The following HUNK variants were observed in gnomAD, a reference collection of about 807,000 sequenced individuals.
HUNK encodes hormonally up-regulated Neu-associated kinase.
Under a neutral mutation model 61.0 loss-of-function variants are expected in HUNK, and 21 were observed. The ratio of observed to expected loss-of-function variants is 0.34; its 90% CI spans 0.24 to 0.50. The LOEUF (loss-of-function observed/expected upper bound fraction) is 0.50, where lower values mean the gene tolerates loss of function less well. Among genes scored for constraint, HUNK ranks in the 20% least tolerant of loss-of-function variants. The pLI, the probability that HUNK is intolerant of heterozygous loss-of-function variation, is 0.98. For synonymous variants in HUNK, 371 were observed against 386.1 expected (o/e 0.96, Z 0.46); for missense variants, 772 against 945.7 (o/e 0.82, Z 2.41).
intron 8 of HUNK, among the ~76,000 whole-genome samples, chr21:31,983,956 C>T (rs11700534): frequency 6.6e-6 from 1 of 152,026 alleles, no homozygotes; most frequent in African/African-American, 2.4e-5. Flanking sequence ...AAGTTGAAAA[C>T]CACTGTCAGG....
chr21:31,977,487 C>A (rs972129646), intron 7 of HUNK, among the ~76,000 whole-genome samples: 1 of 152,174 alleles, frequency 6.6e-6, no homozygotes, highest in African/African-American at 2.4e-5. Context: ...TTAACAGTTC[C>A]AAACATTTTT....
intron 4 of HUNK, among the ~76,000 whole-genome samples, chr21:31,954,229 C>A (rs1236596127): frequency 6.6e-6 from 1 of 152,172 alleles, no homozygotes; most frequent in Non-Finnish European, 1.5e-5. Flanking sequence ...TACGACACCC[C>A]CACCTGGGAC....
chr21:31,901,805 T>C (rs565684343), intron 1 of HUNK, among the ~76,000 whole-genome samples: 2 of 152,278 alleles, frequency 1.3e-5, no homozygotes, highest in Non-Finnish European at 2.9e-5. Context: ...TAAGATGTTT[T>C]TGTTTTTCTT....
intron 1 of HUNK, among the ~76,000 whole-genome samples, chr21:31,919,572 A>C (rs1405164508): frequency 6.6e-6 from 1 of 152,164 alleles, no homozygotes. Context: ...AGTGGTCTGC[A>C]GTGTAGACAC....
intron 4 of HUNK, among the ~76,000 whole-genome samples, chr21:31,948,962 G>A (rs1282295565): frequency 2.0e-5 from 3 of 152,214 alleles, no homozygotes; most frequent in Non-Finnish European, 4.4e-5. Flanking sequence ...GGTGAAACAC[G>A]TCAGGAATCA....
chr21:31,914,835 T>C lies in HUNK; in HGVS notation c.262-9633T>C, dbSNP rs142880813. Among the ~76,000 whole-genome samples, 1,065 of 152,236 alleles carry C rather than the reference T, an allele frequency of 7.0e-3. 7 individuals carry two copies. Among genetic ancestry groups the C allele is most frequent in the Non-Finnish European group, 0.012 (790 of 68,000 alleles). ...CTCTAATGACCTCATTTAACGTTAA[T>C]AACCTCTTTAAAGTCTCTCTCTTTA... On this transcript the variant is annotated intron_variant, in intron 1 of 10. Coordinates refer to ENST00000270112, the MANE Select transcript of HUNK (RefSeq NM_014586.2).
chr21:31,948,830 T>C (rs2833569), intron 4 of HUNK, among the ~76,000 whole-genome samples: 14,174 of 151,916 alleles, frequency 0.093, 727 homozygotes, highest in Middle Eastern at 0.13. Context: ...GATGTTCCGG[T>C]TGGAGATTGA....
intron 6 of HUNK, among the ~76,000 whole-genome samples, chr21:31,969,483 C>T (rs2052995160): frequency 6.6e-6 from 1 of 152,166 alleles, no homozygotes; most frequent in Non-Finnish European, 1.5e-5. Context: ...GAACCCACAG[C>T]ATAGGAGCAC....
chr21:31,947,461 T>C (rs2052816933), intron 4 of HUNK, among the ~76,000 whole-genome samples: 1 of 152,254 alleles, frequency 6.6e-6, no homozygotes, highest in Non-Finnish European at 1.5e-5. Flanking sequence ...GAGTCCCCCG[T>C]ACTCTGTCCT....
In HUNK at chr21:31,980,379, C is replaced by CTT. The variant is rs35350096; in HGVS notation, c.1174-3132_1174-3131dup. ...GCCACCGCACCAGGCCTGTCTTCTT[C>CTT]TTTTTTTTTTTTTTTTGAGATGGAG... On this transcript the variant is annotated intron_variant, in intron 7 of 10. Coordinates refer to ENST00000270112, the MANE Select transcript of HUNK (RefSeq NM_014586.2). Among the ~76,000 whole-genome samples, 485 of 84,562 alleles carry CTT rather than the reference C, an allele frequency of 5.7e-3. 4 individuals carry two copies. The highest frequency in any genetic ancestry group is 0.015 in the African/African-American group (421 of 28,416). 55.5% of individuals were successfully genotyped at this position (84,562 alleles called of 152,430 possible).
intron 8 of HUNK, among the ~76,000 whole-genome samples, chr21:31,989,370 A>G (rs1273246663): frequency 6.6e-6 from 1 of 152,234 alleles, no homozygotes; most frequent in African/African-American, 2.4e-5. Context: ...ATAACTTTAA[A>G]AAATATAGTT....
chr21:31,961,510 C>G (rs2052928642), intron 5 of HUNK, among the ~76,000 whole-genome samples: 1 of 152,160 alleles, frequency 6.6e-6, no homozygotes, highest in African/African-American at 2.4e-5. Flanking sequence ...TTTTGCATTC[C>G]CACTAGCAAT....
At chr21:31,973,124 A>G (rs906352384) in intron 6 of HUNK, among the ~76,000 whole-genome samples, 5 of 150,832 alleles carry the variant, frequency 3.3e-5, no homozygotes, top group Admixed American at 2.0e-4. Flanking sequence ...CCCTCTTTGT[A>G]TCACTCTTTT....
intron 3 of HUNK, among the ~76,000 whole-genome samples, chr21:31,945,806 G>A (rs1451408069): frequency 6.6e-6 from 1 of 152,110 alleles, no homozygotes; most frequent in Non-Finnish European, 1.5e-5. Context: ...TTAACAGTGA[G>A]GCCCGATGTC....
In HUNK at chr21:31,987,538, T is replaced by C. The variant is rs1240321474; in HGVS notation, c.1258-2591T>C. On this transcript the variant is annotated intron_variant, in intron 8 of 10. Transcript: ENST00000270112. ...TAGTGGGAAAGGGGCCCTTCTTTCATCTCGATTCCTTTTCTGTGTTATTTC... is the reference window on the plus strand; with the variant it reads ...TAGTGGGAAAGGGGCCCTTCTTTCACCTCGATTCCTTTTCTGTGTTATTTC... 2.0e-5 allele frequency among the ~76,000 whole-genome samples: 3 copies of C among 152,316 alleles called. No homozygotes were observed. The East Asian group carries it at 5.8e-4, about 29-fold the overall frequency.
chr21:31,992,838 T>G (rs2053180397), intron 9 of HUNK, among the ~76,000 whole-genome samples: 1 of 152,248 alleles, frequency 6.6e-6, no homozygotes, highest in Non-Finnish European at 1.5e-5. Flanking sequence ...GCAGGGAGAT[T>G]GGCTAGTTGT....
At chr21:31,957,248 C>G (rs78546065) in intron 4 of HUNK, among the ~76,000 whole-genome samples, 1,976 of 152,316 alleles carry the variant, frequency 0.013, 55 homozygotes, top group African/African-American at 0.045. Context: ...GCAGGTCTTT[C>G]TCTGGTCCCC....
At chr21:31,915,507 A>G (rs1467119101) in intron 1 of HUNK, among the ~76,000 whole-genome samples, 2 of 152,254 alleles carry the variant, frequency 1.3e-5, no homozygotes, top group Non-Finnish European at 2.9e-5. Flanking sequence ...TATAATGTGT[A>G]AAACACATAT....
At chr21:31,893,075 C>T (rs1425329132) in intron 1 of HUNK, among the ~76,000 whole-genome samples, 3 of 152,096 alleles carry the variant, frequency 2.0e-5, no homozygotes, top group African/African-American at 4.8e-5. Context: ...CAAATTAAAT[C>T]GACATAAGAC....
Sources: gnomAD v4.1 joint callset for allele counts (sites outside exome capture counted in the v4.1 genomes callset) on GRCh38, gnomAD v4.1.1 for gene constraint, MANE v1.5 for transcripts, NCBI Gene and HGNC (gene_info 2026-07-23, HGNC 2026-07-21) for gene names.